PIP5K1B: variants seen among roughly 807,000 people sequenced by gnomAD.
PIP5K1B encodes phosphatidylinositol 4-phosphate 5-kinase type-1 beta.
In PIP5K1B, 42 loss-of-function variants were observed where a neutral mutation model predicts 67.0. That is an observed-to-expected ratio of 0.63 (90% CI 0.49 to 0.81). The LOEUF (loss-of-function observed/expected upper bound fraction) is 0.81. PIP5K1B is among the 30% of genes least tolerant of loss of function. PIP5K1B has a pLI of 0.00. For missense variants in PIP5K1B, 459 were observed against 646.3 expected (o/e 0.71, Z 3.14); for synonymous variants, 214 against 231.4 (o/e 0.92, Z 0.68).
intron 8 of PIP5K1B, among the ~76,000 whole-genome samples, chr9:68,908,378 T>TTA (rs886785135): frequency 2.0e-5 from 3 of 151,356 alleles, no homozygotes; most frequent in South Asian, 2.1e-4. Context: ...TACACACACA[T>TTA]TATATATATA....
chr9:68,930,756 CTAATAATAA>C (rs145696886), intron 12 of PIP5K1B, among the ~76,000 whole-genome samples: 3 of 150,628 alleles, frequency 2.0e-5, no homozygotes, highest in African/African-American at 7.3e-5. Flanking sequence ...CCCTTCCATG[CTAATAATAA>C]TAATAATAAT....
chr9:68,960,555 G>A (rs565950204), intron 14 of PIP5K1B, among the ~76,000 whole-genome samples: 1 of 151,814 alleles, frequency 6.6e-6, no homozygotes, highest in South Asian at 2.1e-4. Flanking sequence ...AGTCTTCTAC[G>A]TTTCTGTTGT....
intron 5 of PIP5K1B, 23 bp downstream of exon 5, chr9:68,863,990 T>A: frequency 6.2e-7 from 1 of 1,611,494 alleles, no homozygotes. Flanking sequence ...TTATTTGTGA[T>A]GATTTCCATG....
rs879535374 is a variant in PIP5K1B at position 68,920,793 on chromosome 9, T to TACACACACAC, written c.1116+1073_1116+1074insCACACACACA. ...TCTCTGTCTCTCTCTCTCACACACA[T>TACACACACAC]ACACACACATACACACACACACACA... On this transcript the variant is annotated intron_variant, in intron 11 of 15. Coordinates refer to ENST00000265382, the MANE Select transcript of PIP5K1B (RefSeq NM_003558.4). Among the ~76,000 whole-genome samples, 592 of 133,436 alleles carry TACACACACAC rather than the reference T, an allele frequency of 4.4e-3. 4 individuals carry two copies. The highest frequency in any genetic ancestry group is 0.011 in the Middle Eastern group (3 of 262). 87.5% of individuals were successfully genotyped at this position (133,436 alleles called of 152,430 possible).
At chr9:68,920,603 G>A (rs1208669294) in intron 11 of PIP5K1B, among the ~76,000 whole-genome samples, 2 of 151,810 alleles carry the variant, frequency 1.3e-5, no homozygotes, top group African/African-American at 4.8e-5. Flanking sequence ...CCTGACCTCA[G>A]GTGATCCACC....
intron 2 of PIP5K1B, among the ~76,000 whole-genome samples, chr9:68,754,544 CTTTT>C (rs1469113878): frequency 5.3e-5 from 8 of 152,076 alleles, no homozygotes; most frequent in Non-Finnish European, 1.0e-4. Flanking sequence ...CTCTTTCTTT[CTTTT>C]ATGAATGTGA....
intron 14 of PIP5K1B, among the ~76,000 whole-genome samples, chr9:68,967,611 T>G (rs1360735625): frequency 6.6e-6 from 1 of 152,176 alleles, no homozygotes; most frequent in East Asian, 1.9e-4. Flanking sequence ...ATCGAGCCTC[T>G]ACCCTCTCCC....
intron 14 of PIP5K1B, among the ~76,000 whole-genome samples, chr9:68,969,104 C>T (rs904240319): frequency 3.3e-5 from 5 of 152,100 alleles, no homozygotes; most frequent in Admixed American, 6.5e-5. Flanking sequence ...CGCGGTGGCT[C>T]ATGCCTGTAA....
intron 8 of PIP5K1B, among the ~76,000 whole-genome samples, chr9:68,908,644 T>C (rs776372757): frequency 6.6e-6 from 1 of 152,164 alleles, no homozygotes; most frequent in Non-Finnish European, 1.5e-5. Context: ...CTGAAGAAAT[T>C]TAATTAAATT....
At chr9:68,833,027 G>A (rs991377216) in intron 4 of PIP5K1B, among the ~76,000 whole-genome samples, 2 of 152,212 alleles carry the variant, frequency 1.3e-5, no homozygotes, top group Non-Finnish European at 1.5e-5. Flanking sequence ...CATTTCTCCA[G>A]TTGACAAGTA....
At chr9:68,844,775 C>T (rs940332009) in intron 4 of PIP5K1B, among the ~76,000 whole-genome samples, 4 of 152,246 alleles carry the variant, frequency 2.6e-5, no homozygotes, top group African/African-American at 9.6e-5. Context: ...CCAGCTGGTA[C>T]TCCTGGAAAT....
At chr9:68,745,441 C>T (rs1829247806) in intron 2 of PIP5K1B, among the ~76,000 whole-genome samples, 1 of 152,238 alleles carries the variant, frequency 6.6e-6, no homozygotes, top group African/African-American at 2.4e-5. Flanking sequence ...CACTTTGGAA[C>T]CTGGTATCTC....
chr9:68,840,112 C>T (rs1023955601), intron 4 of PIP5K1B, among the ~76,000 whole-genome samples: 7 of 152,228 alleles, frequency 4.6e-5, no homozygotes, highest in African/African-American at 1.4e-4. Context: ...CACAGTGGCA[C>T]ATGCCTGTAA....
chr9:68,852,742 TG>T (rs1227896573), intron 4 of PIP5K1B, among the ~76,000 whole-genome samples: 2 of 152,078 alleles, frequency 1.3e-5, no homozygotes, highest in Non-Finnish European at 2.9e-5. Context: ...CCAGCTGGAC[TG>T]GGGGGATTTT....
intron 8 of PIP5K1B, among the ~76,000 whole-genome samples, chr9:68,909,112 T>C (rs1486048443): frequency 6.6e-6 from 1 of 152,224 alleles, no homozygotes; most frequent in Non-Finnish European, 1.5e-5. Flanking sequence ...AAAGGGTAAG[T>C]TAATGCTAAA....
intron 2 of PIP5K1B, among the ~76,000 whole-genome samples, chr9:68,753,669 C>T (rs574595757): frequency 1.0e-3 from 155 of 151,964 alleles, no homozygotes; most frequent in African/African-American, 3.5e-3. Flanking sequence ...GGACTCCAGG[C>T]GCCAGCCACC....
chr9:68,766,453 T>C (rs1029518951), intron 2 of PIP5K1B, among the ~76,000 whole-genome samples: 3 of 152,178 alleles, frequency 2.0e-5, no homozygotes, highest in Non-Finnish European at 2.9e-5. Context: ...GCTTATCCCC[T>C]ATTAGAAATA....
intron 2 of PIP5K1B, chr9:68,780,647 G>A (rs769454181): frequency 6.2e-7 from 1 of 1,614,204 alleles, no homozygotes; most frequent in Non-Finnish European, 8.5e-7. Flanking sequence ...CGCCATCCTT[G>A]CAAAGTTTTG....
intron 4 of PIP5K1B, among the ~76,000 whole-genome samples, chr9:68,837,713 G>T (rs977445928): frequency 1.4e-5 from 2 of 145,498 alleles, no homozygotes; most frequent in Non-Finnish European, 3.0e-5. Context: ...TGCTAGTAAT[G>T]CCTTGCTTTA....
Sources: allele counts gnomAD v4.1 joint callset (sites outside exome capture counted in the v4.1 genomes callset), GRCh38; gene constraint gnomAD v4.1.1; transcripts MANE v1.5; gene names NCBI Gene and HGNC (gene_info 2026-07-23, HGNC 2026-07-21).